Variants in FBXL7 observed in about 807,000 individuals in gnomAD.
The protein encoded by FBXL7 is F-box/LRR-repeat protein 7.
A neutral mutation model predicts 38.3 loss-of-function variants in FBXL7; 12 were observed. That is an observed-to-expected ratio of 0.31 (90% CI 0.20 to 0.51). The LOEUF (loss-of-function observed/expected upper bound fraction) is 0.51. FBXL7 is among the 20% of genes least tolerant of loss of function. The probability of loss-of-function intolerance (pLI) is 0.98; values close to 1 mark genes in which losing one functional copy is unlikely to be tolerated. For synonymous variants in FBXL7, 297 were observed against 300.9 expected, an observed-to-expected ratio of 0.99 and a Z score of 0.13; for missense variants, 567 against 676.4, an observed-to-expected ratio of 0.84 and a Z score of 1.79.
intron 2 of FBXL7, among the ~76,000 whole-genome samples, chr5:15,635,438 A>G (rs763209573): frequency 3.9e-4 from 60 of 152,338 alleles, no homozygotes; most frequent in Non-Finnish European, 6.0e-4. Flanking sequence ...TGGACACAGC[A>G]TCATTTCTGC....
At chr5:15,819,391 C>T (rs553432352) in intron 2 of FBXL7, among the ~76,000 whole-genome samples, 40 of 152,010 alleles carry the variant, frequency 2.6e-4, no homozygotes, top group African/African-American at 9.2e-4. Context: ...ATACTGTGAG[C>T]GAAGGCCAAA....
At chr5:15,779,540 A>G (rs1218842166) in intron 2 of FBXL7, among the ~76,000 whole-genome samples, 1 of 152,138 alleles carries the variant, frequency 6.6e-6, no homozygotes, top group Non-Finnish European at 1.5e-5. Flanking sequence ...AGCAGTTATT[A>G]TCTTGTCTCC....
chr5:15,797,985 T>C (rs1197006337), intron 2 of FBXL7, among the ~76,000 whole-genome samples: 1 of 152,168 alleles, frequency 6.6e-6, no homozygotes. Context: ...TTGCTGTGGT[T>C]CCTCCCTATT....
intron 2 of FBXL7, among the ~76,000 whole-genome samples, chr5:15,620,716 G>T (rs1740610026): frequency 6.6e-6 from 1 of 152,172 alleles, no homozygotes; most frequent in Non-Finnish European, 1.5e-5. Flanking sequence ...GAAACTGATA[G>T]TGAGTTCCTG....
intron 2 of FBXL7, among the ~76,000 whole-genome samples, chr5:15,724,988 T>G (rs1478917175): frequency 6.6e-6 from 1 of 152,162 alleles, no homozygotes; most frequent in African/African-American, 2.4e-5. Flanking sequence ...TATTTAAAAA[T>G]ACAGGCAGGC....
intron 2 of FBXL7, among the ~76,000 whole-genome samples, chr5:15,821,295 G>A (rs865840062): frequency 6.6e-6 from 1 of 151,892 alleles, no homozygotes; most frequent in Non-Finnish European, 1.5e-5. Flanking sequence ...TAGGTTATTA[G>A]CATCAGTCTT....
At chr5:15,656,614 G>A (rs577486659) in intron 2 of FBXL7, among the ~76,000 whole-genome samples, 1 of 152,162 alleles carries the variant, frequency 6.6e-6, no homozygotes, top group East Asian at 1.9e-4. Flanking sequence ...GGGAGTTACG[G>A]CAGCTACAAT....
Position 15,928,257 on chromosome 5 carries a change from C to T in FBXL7, c.495C>T (p.Asn165=), listed in dbSNP as rs1213344060. 3 of 1,612,120 alleles carry T rather than the reference C, an allele frequency of 1.9e-6. No individual in the cohort carries two copies. The highest frequency in any genetic ancestry group is 1.7e-5 in the Admixed American group (1 of 59,772). ...TCCGCCTGACGGGCGAGACCATCAA[C>T]GTGGACCGCGCCCTCAAGGTGCTGA... ...RTIRLTGETI[N]VDRALKVLTR... is the part of the protein sequence containing the mutation. The change falls in exon 3 of 4, where the codon AAC becomes AAT. Residue 165 remains asparagine, a synonymous_variant. Transcript: ENST00000504595. This position sits in a 1 kb window ranked among gnomAD's most constrained non-coding sequence, Gnocchi z 4.0.
chr5:15,552,338 C>G (rs1365227263), intron 1 of FBXL7, among the ~76,000 whole-genome samples: 1 of 152,208 alleles, frequency 6.6e-6, no homozygotes, highest in African/African-American at 2.4e-5. Flanking sequence ...GTGCCAGTCA[C>G]TGACCACTGG....
At chr5:15,595,504 C>T (rs1306225330) in intron 1 of FBXL7, among the ~76,000 whole-genome samples, 1 of 152,074 alleles carries the variant, frequency 6.6e-6, no homozygotes, top group African/African-American at 2.4e-5. Context: ...ATTTAGATTG[C>T]AGGCTGAGGG....
chr5:15,684,287 G>C (rs1422409847), intron 2 of FBXL7, among the ~76,000 whole-genome samples: 1 of 152,204 alleles, frequency 6.6e-6, no homozygotes, highest in African/African-American at 2.4e-5. Flanking sequence ...ATTATAATAT[G>C]ATACATGACA....
At chr5:15,569,741 T>G (rs1193628947) in intron 1 of FBXL7, among the ~76,000 whole-genome samples, 2 of 152,298 alleles carry the variant, frequency 1.3e-5, no homozygotes, top group East Asian at 3.9e-4. Flanking sequence ...CATAGATAGC[T>G]CTTTTTATTT....
intron 2 of FBXL7, among the ~76,000 whole-genome samples, chr5:15,633,585 A>G (rs919984120): frequency 6.6e-6 from 1 of 151,718 alleles, no homozygotes; most frequent in Non-Finnish European, 1.5e-5. Flanking sequence ...CAAGGTTTAT[A>G]CTCGGATGCA....
chr5:15,713,317 A>G (rs1743936864), intron 2 of FBXL7, among the ~76,000 whole-genome samples: 1 of 152,182 alleles, frequency 6.6e-6, no homozygotes, highest in African/African-American at 2.4e-5. Context: ...AACCACTCCC[A>G]TGATTCAGCT....
At chr5:15,626,965 A>C (rs1025921285) in intron 2 of FBXL7, among the ~76,000 whole-genome samples, 1 of 152,190 alleles carries the variant, frequency 6.6e-6, no homozygotes, top group African/African-American at 2.4e-5. Flanking sequence ...GTCAGGGGTC[A>C]CCAACTGGTA....
At chr5:15,710,053 G>A (rs1743815074) in intron 2 of FBXL7, among the ~76,000 whole-genome samples, 1 of 152,016 alleles carries the variant, frequency 6.6e-6, no homozygotes, top group African/African-American at 2.4e-5. Flanking sequence ...CTCCTAATTG[G>A]TGTGCCTGGT....
intron 2 of FBXL7, among the ~76,000 whole-genome samples, chr5:15,672,473 A>G (rs2126599033): frequency 6.6e-6 from 1 of 152,042 alleles, no homozygotes; most frequent in East Asian, 1.9e-4. Flanking sequence ...TTCTGTTTTC[A>G]TAGATTTTAT....
intron 1 of FBXL7, among the ~76,000 whole-genome samples, chr5:15,563,805 G>T (rs568975347): frequency 6.6e-6 from 1 of 152,126 alleles, no homozygotes; most frequent in East Asian, 1.9e-4. Context: ...GAATTATTTG[G>T]GGTTGGGAAG....
chr5:15,549,153 T>C (rs1737995321), intron 1 of FBXL7, among the ~76,000 whole-genome samples: 1 of 152,180 alleles, frequency 6.6e-6, no homozygotes, highest in African/African-American at 2.4e-5. Context: ...TTAATTTAGA[T>C]TTAAGATTTA....
Sources: gnomAD v4.1 joint callset for allele counts (sites outside exome capture counted in the v4.1 genomes callset) on GRCh38, gnomAD v4.1.1 for gene constraint, Gnocchi (gnomAD v3.1) non-coding constraint, MANE v1.5 for transcripts, NCBI Gene and HGNC (gene_info 2026-07-23, HGNC 2026-07-21) for gene names.